Variants in PHLDB2 observed in about 807,000 individuals in gnomAD.
The protein encoded by PHLDB2 is pleckstrin homology-like domain family B member 2.
PHLDB2 carries 71 observed loss-of-function variants against 123.6 expected under a neutral mutation model. That is an observed-to-expected ratio of 0.57 (90% CI 0.47 to 0.70). The LOEUF (loss-of-function observed/expected upper bound fraction) is 0.70. Ranked by LOEUF, PHLDB2 falls within the 30% of genes least tolerant of loss-of-function variation. PHLDB2 has a pLI of 0.00. For synonymous variants in PHLDB2, 547 were observed against 541.6 expected, an observed-to-expected ratio of 1.01 and a Z score of -0.14; for missense variants, 1,446 against 1,519.5, an observed-to-expected ratio of 0.95 and a Z score of 0.80.
chr3:111,846,515 T>C (rs1434543691), intron 2 of PHLDB2: 1 of 152,752 alleles, frequency 6.5e-6, no homozygotes, highest in African/African-American at 2.4e-5. Context: ...GGGATAAGCT[T>C]GGTTACCTAG....
At chr3:111,870,984 AG>A (rs1354566178) in intron 1 of PHLDB2, among the ~76,000 whole-genome samples, 18 of 152,180 alleles carry the variant, frequency 1.2e-4, no homozygotes, top group Non-Finnish European at 1.9e-4. Flanking sequence ...TTTGTTATAA[AG>A]TGGAAATTTT....
intron 13 of PHLDB2, among the ~76,000 whole-genome samples, chr3:111,964,664 A>T (rs1203562241): frequency 6.6e-6 from 1 of 152,174 alleles, no homozygotes. Context: ...TCATTGCACA[A>T]TGTATGCATA....
chr3:111,861,166 G>A (rs1425755172), intron 1 of PHLDB2, among the ~76,000 whole-genome samples: 1 of 152,156 alleles, frequency 6.6e-6, no homozygotes, highest in Non-Finnish European at 1.5e-5. Flanking sequence ...CGTTAGAGTT[G>A]CCCACTATTT....
chr3:111,921,826 T>G (rs2107534330), intron 5 of PHLDB2, among the ~76,000 whole-genome samples: 1 of 152,262 alleles, frequency 6.6e-6, no homozygotes, highest in Admixed American at 6.5e-5. Flanking sequence ...ATGGTCTCGA[T>G]CTCCTGACCT....
chr3:111,903,596 T>C (rs1003392538), intron 2 of PHLDB2, among the ~76,000 whole-genome samples: 1 of 152,222 alleles, frequency 6.6e-6, no homozygotes, highest in Non-Finnish European at 1.5e-5. Flanking sequence ...TAATTGGGTC[T>C]AGTTTTTAGG....
intron 1 of PHLDB2, among the ~76,000 whole-genome samples, chr3:111,839,942 T>TC: frequency 8.7e-6 from 1 of 115,602 alleles, no homozygotes; most frequent in Non-Finnish European, 1.7e-5. Context: ...CACCCCCGCT[T>TC]TTTTTTTTTT....
chr3:111,837,617 A>G (rs993834944), intron 1 of PHLDB2, among the ~76,000 whole-genome samples: 1 of 152,224 alleles, frequency 6.6e-6, no homozygotes, highest in Non-Finnish European at 1.5e-5. Context: ...ATCATTTCCA[A>G]AACTCCTTAG....
intron 1 of PHLDB2, among the ~76,000 whole-genome samples, chr3:111,759,837 A>G (rs2059963919): frequency 6.6e-6 from 1 of 152,186 alleles, no homozygotes; most frequent in African/African-American, 2.4e-5. Context: ...CAAATTTTTT[A>G]TTCTTAATCA....
intron 2 of PHLDB2, among the ~76,000 whole-genome samples, chr3:111,850,763 A>G (rs539654076): frequency 6.6e-6 from 1 of 152,302 alleles, no homozygotes; most frequent in South Asian, 2.1e-4. Context: ...CATTGTCTTT[A>G]AAGTCAATAC....
chr3:111,907,732 T>C (rs1285376081), intron 2 of PHLDB2, among the ~76,000 whole-genome samples: 1 of 152,168 alleles, frequency 6.6e-6, no homozygotes, highest in East Asian at 1.9e-4. Flanking sequence ...CCTCTGGTGA[T>C]CCACACGCCT....
intron 9 of PHLDB2, 72 bp from the exon 10 acceptor site, chr3:111,948,860 G>T: frequency 6.8e-7 from 1 of 1,469,856 alleles, no homozygotes; most frequent in East Asian, 2.3e-5. Context: ...TCATTGTACT[G>T]GGAACATTAA....
rs1416342263 is a variant in PHLDB2 at position 111,969,717 on chromosome 3, G to C, written c.3343G>C (p.Val1115Leu). Residue 1115 changes from valine (V) to leucine (L), a missense_variant, in exon 16 of 18, where the codon GTC becomes CTC. Transcript: ENST00000431670. ...QARPLTRYLP[V>L]RKEDFDLRSH... ...TCGTCCTTTGACACGCTACCTGCCT[G>C]TCCGGAAGGAAGACTTTGATTTGCG... 1 of 1,613,976 alleles carries C rather than the reference G, an allele frequency of 6.2e-7. No homozygotes were observed. The highest frequency in any genetic ancestry group is 8.5e-7 in the Non-Finnish European group (1 of 1,179,882).
chr3:111,967,602 C>CT (rs1465872778), intron 14 of PHLDB2, 76 bp from the exon 15 acceptor site: 1 of 1,402,178 alleles, frequency 7.1e-7, no homozygotes, highest in Admixed American at 2.7e-5. Context: ...TAAGAATTGT[C>CT]TTTTTTATAT....
chr3:111,967,448 G>A (rs1217833122), intron 14 of PHLDB2, among the ~76,000 whole-genome samples: 2 of 152,166 alleles, frequency 1.3e-5, no homozygotes, highest in Non-Finnish European at 2.9e-5. Context: ...TTTCACTGAA[G>A]ACCACAATTT....
intron 1 of PHLDB2, among the ~76,000 whole-genome samples, chr3:111,827,446 T>G (rs1041784551): frequency 6.6e-6 from 1 of 152,064 alleles, no homozygotes. Flanking sequence ...GAGGCCCAGG[T>G]GGGCGGATCA....
intron 2 of PHLDB2, among the ~76,000 whole-genome samples, chr3:111,853,625 C>T (rs1335570737): frequency 6.6e-6 from 1 of 152,152 alleles, no homozygotes; most frequent in African/African-American, 2.4e-5. Context: ...CCTGTAATCC[C>T]AGCACTTTGG....
At chr3:111,808,081 G>GT (rs2061676119) in intron 1 of PHLDB2, among the ~76,000 whole-genome samples, 1 of 151,874 alleles carries the variant, frequency 6.6e-6, no homozygotes, top group Non-Finnish European at 1.5e-5. Flanking sequence ...GATTTCATCG[G>GT]TCTGGAAAGG....
At chr3:111,967,999 A>AAAAAAAAG (rs61395045) in intron 15 of PHLDB2, among the ~76,000 whole-genome samples, 175 bp downstream of exon 15, 5 of 145,930 alleles carry the variant, frequency 3.4e-5, no homozygotes, top group Non-Finnish European at 4.5e-5. Context: ...AAAAAAAAAA[A>AAAAAAAAG]TGTGAGTTCA....
At chr3:111,796,008 T>C (rs1290762149) in intron 1 of PHLDB2, among the ~76,000 whole-genome samples, 1 of 152,218 alleles carries the variant, frequency 6.6e-6, no homozygotes, top group East Asian at 1.9e-4. Context: ...GCGACTCTCC[T>C]GCCTCAGCCT....
Sources: gnomAD v4.1 joint callset for allele counts (sites outside exome capture counted in the v4.1 genomes callset) on GRCh38, gnomAD v4.1.1 for gene constraint, MANE v1.5 for transcripts, NCBI Gene and HGNC (gene_info 2026-07-23, HGNC 2026-07-21) for gene names.